The following SETBP1 variants were observed in gnomAD, a reference collection of about 807,000 sequenced individuals.
The protein encoded by SETBP1 is SET binding protein 1.
SETBP1 carries 9 observed loss-of-function variants against 101.0 expected under a neutral mutation model. The ratio of observed to expected loss-of-function variants is 0.09; its 90% CI spans 0.05 to 0.16. The LOEUF is 0.16. Among genes scored for constraint, SETBP1 ranks in the 10% least tolerant of loss-of-function variants. The probability of loss-of-function intolerance (pLI) is 1.00; values close to 1 mark genes in which losing one functional copy is unlikely to be tolerated. For missense variants in SETBP1, 1,858 were observed against 2,033.8 expected (o/e 0.91, Z 1.66); for synonymous variants, 818 against 788.5 (o/e 1.04, Z -0.63).
intron 2 of SETBP1, among the ~76,000 whole-genome samples, chr18:44,829,988 A>G (rs1240562498): frequency 1.3e-5 from 2 of 152,248 alleles, no homozygotes; most frequent in Non-Finnish European, 2.9e-5. Flanking sequence ...AGGAGAGAAC[A>G]CACTATGATA....
At chr18:44,788,834 G>A (rs1383733296) in intron 2 of SETBP1, among the ~76,000 whole-genome samples, 1 of 108,886 alleles carries the variant, frequency 9.2e-6, no homozygotes, top group African/African-American at 3.7e-5. Flanking sequence ...ATCTCACTCT[G>A]TCACCCAGGC....
chr18:44,954,875 A>G (rs1156664298), intron 4 of SETBP1, among the ~76,000 whole-genome samples: 4 of 152,206 alleles, frequency 2.6e-5, no homozygotes, highest in Non-Finnish European at 5.9e-5. Flanking sequence ...CTTGCATGAC[A>G]TGTGAGAAAC....
intron 2 of SETBP1, among the ~76,000 whole-genome samples, chr18:44,808,570 G>A (rs576317765): frequency 6.6e-6 from 1 of 152,270 alleles, no homozygotes; most frequent in South Asian, 2.1e-4. Flanking sequence ...CACATGCGTC[G>A]ACAGAAAAGC....
intron 2 of SETBP1, among the ~76,000 whole-genome samples, chr18:44,744,077 C>T: frequency 6.6e-6 from 1 of 152,232 alleles, no homozygotes. Flanking sequence ...GCCTGCTACA[C>T]CCCTGAACAT....
intron 4 of SETBP1, among the ~76,000 whole-genome samples, chr18:45,020,956 T>G (rs892189592): frequency 6.6e-6 from 1 of 152,220 alleles, no homozygotes; most frequent in Non-Finnish European, 1.5e-5. Flanking sequence ...GGTCAGAAAT[T>G]CAATATGTGT....
chr18:44,944,031 G>A (rs1015067350), intron 3 of SETBP1, among the ~76,000 whole-genome samples: 2 of 151,770 alleles, frequency 1.3e-5, no homozygotes, highest in African/African-American at 4.8e-5. Flanking sequence ...ACAGGATTTT[G>A]TCTTGTTGTC....
intron 3 of SETBP1, among the ~76,000 whole-genome samples, chr18:44,899,591 G>A (rs796558495): frequency 7.9e-5 from 12 of 152,192 alleles, no homozygotes; most frequent in African/African-American, 2.6e-4. Context: ...AGTAATGAAG[G>A]GCCCACACTT....
chr18:44,775,097 C>G (rs1199465476), intron 2 of SETBP1, among the ~76,000 whole-genome samples: 5 of 152,240 alleles, frequency 3.3e-5, no homozygotes, highest in Admixed American at 3.3e-4. Context: ...TACTAAAGGT[C>G]TCACCAGAAA....
At chr18:44,934,393 C>A (rs1270096216) in intron 3 of SETBP1, among the ~76,000 whole-genome samples, 2 of 152,222 alleles carry the variant, frequency 1.3e-5, no homozygotes, top group Admixed American at 1.3e-4. Flanking sequence ...AAGTGATCTG[C>A]CCTCCTCGGC....
Position 45,066,204 on chromosome 18 carries a change from C to G in SETBP1, c.*2506C>G, listed in dbSNP as rs2145604585. ...GGGGTACATTAGAATTTCCAAAGCT[C>G]TGAAAGATATTTCAGGAGATTTAAC... is the stretch of plus-strand genomic sequence containing the variant. On this transcript the variant is annotated 3_prime_UTR_variant, in exon 6 of 6. Transcript: ENST00000649279. 6.6e-6 allele frequency: 1 copy of G among 152,280 alleles called. No individual in the cohort carries two copies. The highest frequency in any genetic ancestry group is 6.5e-5 in the Admixed American group (1 of 15,298). The allele number at this position is 152,280 out of a possible 1,614,324, so 9.4% of individuals were successfully genotyped here.
At chr18:44,688,354 A>T (rs989418893) in intron 1 of SETBP1, among the ~76,000 whole-genome samples, 1 of 152,220 alleles carries the variant, frequency 6.6e-6, no homozygotes, top group Admixed American at 6.5e-5. Flanking sequence ...TTAGTAGCCC[A>T]TCAGAAGCAG....
chr18:44,971,317 C>A (rs61638390), intron 4 of SETBP1, among the ~76,000 whole-genome samples: 13 of 152,238 alleles, frequency 8.5e-5, no homozygotes, highest in African/African-American at 2.6e-4. Flanking sequence ...GCTATTGTGA[C>A]TAGTGCCACA....
intron 3 of SETBP1, among the ~76,000 whole-genome samples, chr18:44,877,860 A>T (rs1221969128): frequency 1.3e-5 from 2 of 152,098 alleles, no homozygotes; most frequent in African/African-American, 4.8e-5. Context: ...GAATATTCTG[A>T]AGTCTTAATA....
intron 2 of SETBP1, among the ~76,000 whole-genome samples, chr18:44,817,797 G>A (rs2144864682): frequency 6.6e-6 from 1 of 152,308 alleles, no homozygotes; most frequent in South Asian, 2.1e-4. Context: ...TGGTTGAGGA[G>A]GAACGTGGGT....
chr18:44,894,476 T>C (rs1320469207), intron 3 of SETBP1, among the ~76,000 whole-genome samples: 2 of 152,024 alleles, frequency 1.3e-5, no homozygotes, highest in East Asian at 3.9e-4. Flanking sequence ...TGTCATGAAG[T>C]TTAATTTGAA....
intron 3 of SETBP1, among the ~76,000 whole-genome samples, chr18:44,933,023 G>C (rs1457748460): frequency 2.0e-5 from 3 of 152,194 alleles, no homozygotes. Context: ...GAGGAGAAGA[G>C]GTGCTCTGAT....
At chr18:44,877,421 A>G (rs1599263743) in intron 3 of SETBP1, 3 of 971,516 alleles carry the variant, frequency 3.1e-6, no homozygotes, top group Non-Finnish European at 3.7e-6. Flanking sequence ...TGGACTCCTT[A>G]TTTGTCTTTT....
At chr18:44,815,838 G>A (rs1415836070) in intron 2 of SETBP1, among the ~76,000 whole-genome samples, 1 of 152,178 alleles carries the variant, frequency 6.6e-6, no homozygotes, top group Non-Finnish European at 1.5e-5. Flanking sequence ...CCAGGAATTG[G>A]GGCCTGCAGC....
intron 3 of SETBP1, among the ~76,000 whole-genome samples, chr18:44,892,447 C>T (rs189543969): frequency 6.6e-6 from 1 of 152,104 alleles, no homozygotes; most frequent in African/African-American, 2.4e-5. Flanking sequence ...ATGTACATGG[C>T]TTAGGCCTTT....
Sources: allele counts gnomAD v4.1 joint callset (sites outside exome capture counted in the v4.1 genomes callset), GRCh38; gene constraint gnomAD v4.1.1; transcripts MANE v1.5; gene names NCBI Gene and HGNC (gene_info 2026-07-23, HGNC 2026-07-21).